EMILIN1: variants seen among roughly 807,000 people sequenced by gnomAD.
EMILIN1 encodes elastin microfibril interfacer 1, also known as EMILIN-1.
Under a neutral mutation model 82.4 loss-of-function variants are expected in EMILIN1, and 49 were observed. The ratio of observed to expected loss-of-function variants is 0.59; its 90% confidence interval spans 0.47 to 0.75. EMILIN1 has a LOEUF of 0.75. Ranked by LOEUF, EMILIN1 falls within the 30% of genes least tolerant of loss-of-function variation. The pLI is 0.00. For missense variants in EMILIN1, 1,313 were observed against 1,366.4 expected (o/e 0.96, Z 0.62); for synonymous variants, 604 against 602.2 (o/e 1.00, Z -0.04).
chr2:27,081,886 T>C (rs1558433298), intron 3 of EMILIN1, among the ~76,000 whole-genome samples, 197 bp from the exon 4 acceptor site: 1 of 152,256 alleles, frequency 6.6e-6, no homozygotes, highest in Non-Finnish European at 1.5e-5. Context: ...AGGGGAGTTA[T>C]TGAAGAACAG....
intron 5 of EMILIN1, among the ~76,000 whole-genome samples, 154 bp from the exon 6 acceptor site, chr2:27,084,837 T>C (rs535884008): frequency 1.4e-4 from 21 of 152,336 alleles, no homozygotes; most frequent in Admixed American, 1.1e-3. Flanking sequence ...TTGAACAGAA[T>C]GGACCCTACC....
rs556860535 is a variant in EMILIN1 at position 27,080,083 on chromosome 2, T to C, written c.171-68T>C. 22 of 1,574,706 alleles carry C rather than the reference T, an allele frequency of 1.4e-5. No homozygotes were observed. The African/African-American group carries it at 2.8e-4, about 20-fold the overall frequency. ...TTGGAGCCTTCTTCAGCCCCTCTGG[T>C]AGCCCCTGGGCCCTCCTCCAGGGCA... On this transcript the variant is annotated intron_variant, in intron 1 of 7. Coordinates refer to ENST00000380320, the MANE Select transcript of EMILIN1 (RefSeq NM_007046.4).
chr2:27,086,080 G>T lies in EMILIN1; in HGVS notation c.*65G>T, dbSNP rs1012794985. 10 of 1,262,878 alleles carry T rather than the reference G, an allele frequency of 7.9e-6. No individual in the cohort carries two copies. The African/African-American group carries it at 1.2e-4, about 15-fold the overall frequency. 78.2% of individuals were successfully genotyped at this position (1,262,878 alleles called of 1,614,324 possible). On this transcript the variant is annotated 3_prime_UTR_variant, in exon 8 of 8. Coordinates refer to ENST00000380320, the MANE Select transcript of EMILIN1 (RefSeq NM_007046.4). Reference sequence around the variant, plus strand: ...ACAGCGGGGGCGGCGGGCTCCTGGGGTCTCGCCTGAGACGGGGCACCTAGC... The same window carrying T: ...ACAGCGGGGGCGGCGGGCTCCTGGGTTCTCGCCTGAGACGGGGCACCTAGC...
In EMILIN1 at chr2:27,083,748, G is replaced by C; in HGVS notation, c.2177G>C (p.Arg726Pro). 6.2e-7 allele frequency: 1 copy of C among 1,613,420 alleles called. No homozygotes were observed. Among genetic ancestry groups the C allele is most frequent in the Non-Finnish European group, 8.5e-7 (1 of 1,179,442 alleles). ...QAGQCPSLEG[R>P]LGRLEGVCER... ...GGCCAGTGCCCCAGCTTAGAGGGGC[G>C]ATTGGGCCGTCTTGAGGGTGTCTGT... The change falls in exon 4 of 8, where the codon CGA (arginine) becomes CCA (proline). Residue 726 changes from arginine to proline, a missense_variant. By Grantham distance (103) the Arg-to-Pro change is moderately radical. Transcript: ENST00000380320.
intron 6 of EMILIN1, 24 bp downstream of exon 6, chr2:27,085,032 G>A: frequency 1.2e-6 from 2 of 1,613,566 alleles, no homozygotes; most frequent in Non-Finnish European, 1.7e-6. Flanking sequence ...ATTTGATTCT[G>A]GAGGGAGAAG....
chr2:27,084,900 C>T, intron 5 of EMILIN1, 91 bp from the exon 6 acceptor site: 20 of 1,244,944 alleles, frequency 1.6e-5, no homozygotes, highest in Non-Finnish European at 2.3e-5. Flanking sequence ...CACGTAGCAC[C>T]GAGCACAACA....
chr2:27,084,505 G>A lies in EMILIN1; in HGVS notation c.2531G>A (p.Gly844Glu), dbSNP rs1395903289. ...CCTCCAGGATCACCAGGCAAGGACG[G>A]GCAAGAGGGCCCCATCGGGCCACCA... is the stretch of plus-strand genomic sequence containing the variant. The part of the protein sequence containing the change: ...AGPPGSPGKD[G>E]QEGPIGPPGP... Residue 844 changes from glycine to glutamate, a missense_variant, in exon 5 of 8, where the codon GGG becomes GAG. Physicochemically the swap from Gly to Glu is moderately conservative, Grantham distance 98. Transcript: ENST00000380320. 6.2e-7 allele frequency: 1 copy of A among 1,612,780 alleles called. No homozygotes were observed. Among genetic ancestry groups the A allele is most frequent in the East Asian group, 2.2e-5 (1 of 44,868 alleles).
intron 4 of EMILIN1, 144 bp from the exon 5 acceptor site, chr2:27,084,271 G>A: frequency 1.4e-6 from 1 of 717,310 alleles, no homozygotes; most frequent in South Asian, 1.7e-5. Context: ...AGCATATGCA[G>A]CAAGGGACCC....
Position 27,080,922 on chromosome 2 carries a change from G to A in EMILIN1, c.481G>A (p.Gly161Ser). Reference sequence around the variant, plus strand: ...CCCCAACCTCTCTGGCTCCAGTGCAGGCAGCCCCCTCAGTGGACTGGGGGG... The same window carrying A: ...CCCCAACCTCTCTGGCTCCAGTGCAAGCAGCCCCCTCAGTGGACTGGGGGG... ...ARPNLSGSSA[G>S]SPLSGLGGEG... is the part of the protein sequence containing the mutation. The change falls in exon 3 of 8, where the codon GGC (glycine) becomes AGC (serine). Residue 161 changes from glycine (G) to serine (S), a missense_variant. Coordinates refer to ENST00000380320, the MANE Select transcript of EMILIN1 (RefSeq NM_007046.4). The A allele has an allele frequency of 6.2e-7, 1 of 1,602,464 alleles. No individual in the cohort carries two copies. Among genetic ancestry groups the A allele is most frequent in the Non-Finnish European group, 8.5e-7 (1 of 1,174,600 alleles).
intron 3 of EMILIN1, among the ~76,000 whole-genome samples, chr2:27,081,845 A>G (rs1160644518): frequency 5.3e-5 from 8 of 152,218 alleles, no homozygotes; most frequent in Non-Finnish European, 1.2e-4. Flanking sequence ...TTCCCAGCCT[A>G]TATGATGGGA....
chr2:27,081,989 G>C (rs1669483538), intron 3 of EMILIN1, 94 bp from the exon 4 acceptor site: 1 of 1,427,474 alleles, frequency 7.0e-7, no homozygotes. Context: ...GGCAGAGCCA[G>C]CCTGGGCATC....
chr2:27,085,904 G>C lies in EMILIN1; in HGVS notation c.2940G>C (p.Gly980=). Residue 980 remains glycine (G), a synonymous_variant, in exon 8 of 8, where the codon GGG becomes GGC. Coordinates refer to ENST00000380320, the MANE Select transcript of EMILIN1 (RefSeq NM_007046.4). ...VFSLILPLQA[G]DTVCVDLVMG... is the part of the protein sequence containing the mutation. ...GCCTCATCCTGCCGCTGCAGGCCGG[G>C]GACACGGTCTGCGTCGACCTGGTCA... 2 of 1,566,294 alleles carry C rather than the reference G, an allele frequency of 1.3e-6. No individual in the cohort carries two copies. The highest frequency in any genetic ancestry group is 1.7e-6 in the Non-Finnish European group (2 of 1,153,192).
intron 4 of EMILIN1, 85 bp downstream of exon 4, chr2:27,084,096 G>A: frequency 7.4e-7 from 1 of 1,348,540 alleles, no homozygotes; most frequent in Non-Finnish European, 9.8e-7. Context: ...CAACTCATCT[G>A]CTTTCTCCTT....
At position 27,082,457 on chromosome 2, in the gene EMILIN1, C is replaced by A. The variant is rs1442155909; in HGVS notation, c.886C>A (p.Gln296Lys). 6.4e-7 allele frequency: 1 copy of A among 1,569,786 alleles called. No individual in the cohort carries two copies. Among genetic ancestry groups the A allele is most frequent in the Non-Finnish European group, 8.6e-7 (1 of 1,160,522 alleles). ...PSEELLRQLE[Q>K]RLQESCSVCL... The stretch of plus-strand genomic sequence containing the variant: ...TGAGGAGCTGCTGCGGCAGCTGGAG[C>A]AGCGGTTGCAGGAGTCCTGCTCCGT... Residue 296 changes from glutamine (Q) to lysine (K), a missense_variant, in exon 4 of 8, where the codon CAG becomes AAG. By Grantham distance (53) the Gln-to-Lys change is moderately conservative. Transcript: ENST00000380320.
In EMILIN1 at chr2:27,080,941, T is replaced by C. The variant is rs947299721; in HGVS notation, c.500T>C (p.Leu167Pro). The change falls in exon 3 of 8, where the codon CTG becomes CCG. Residue 167 changes from leucine to proline, a missense_variant. Coordinates refer to ENST00000380320, the MANE Select transcript of EMILIN1 (RefSeq NM_007046.4). ...GSSAGSPLSG[L>P]GGEGPGESEK... ...AGTGCAGGCAGCCCCCTCAGTGGAC[T>C]GGGGGGAGAAGGTGAGTGTGGGAGC... 1 of 1,588,836 alleles carries C rather than the reference T, an allele frequency of 6.3e-7. No individual in the cohort carries two copies. Among genetic ancestry groups the C allele is most frequent in the Non-Finnish European group, 8.6e-7 (1 of 1,166,638 alleles).
rs372278471 is a variant in EMILIN1 at position 27,079,058 on chromosome 2, G to A, written c.-8G>A. On this transcript the variant is annotated 5_prime_UTR_variant, in exon 1 of 8. Transcript: ENST00000380320. The stretch of plus-strand genomic sequence containing the variant: ...GAGTCTCTGAGGGCCACTGTGGAGC[G>A]CCCCGCCATGGCCCCCCGCACCCTC... The A allele has an allele frequency of 1.2e-4, 182 of 1,543,368 alleles. 1 individual carries two copies. In the African/African-American group the frequency reaches 1.7e-3, roughly 15 times the overall value.
chr2:27,080,842 C>T lies in EMILIN1; in HGVS notation c.401C>T (p.Ala134Val), dbSNP rs377605946. ...YGGDDCAESPAPALGPASSTP... is the reference protein window; with the variant it reads ...YGGDDCAESPVPALGPASSTP... ...GGCGATGACTGTGCTGAGAGTCCCG[C>T]TCCAGCGCTGGGGCCTGCGTCTTCC... The change falls in exon 3 of 8, where the codon GCT becomes GTT. Residue 134 changes from alanine to valine, a missense_variant. By Grantham distance (64) the Ala-to-Val change is moderately conservative. Transcript: ENST00000380320. The T allele has an allele frequency of 1.1e-5, 18 of 1,612,526 alleles. No individual in the cohort carries two copies. The African/African-American group carries it at 2.0e-4, about 18-fold the overall frequency.
chr2:27,084,725 T>G (rs924113405), intron 5 of EMILIN1, among the ~76,000 whole-genome samples, 194 bp downstream of exon 5: 22 of 152,226 alleles, frequency 1.4e-4, no homozygotes, highest in African/African-American at 5.3e-4. Flanking sequence ...TTAATGGGTA[T>G]TAGGAGGCTA....
rs1669511651 is a variant in EMILIN1, at chr2:27,083,030, G to T, written c.1459G>T (p.Gly487Trp). 4 of 1,550,178 alleles carry T rather than the reference G, an allele frequency of 2.6e-6. No homozygotes were observed. In the East Asian group the frequency reaches 9.0e-5, roughly 35 times the overall value. The change falls in exon 4 of 8, where the codon GGG becomes TGG. Residue 487 changes from glycine to tryptophan, a missense_variant. Gly to Trp is a radical substitution (Grantham distance 184). Coordinates refer to ENST00000380320, the MANE Select transcript of EMILIN1 (RefSeq NM_007046.4). ...CGGGCAGCTCTGCTCTGGGGCCCCT[G>T]GGGAGCAGGACTCTCAAGTCAGCGA... ...ACGQLCSGAP[G>W]EQDSQVSEIL...
Sources: allele counts gnomAD v4.1 joint callset (sites outside exome capture counted in the v4.1 genomes callset), GRCh38; gene constraint gnomAD v4.1.1; transcripts MANE v1.5; gene names NCBI Gene and HGNC (gene_info 2026-07-23, HGNC 2026-07-21).